The following DUOX1 variants were observed in gnomAD, a reference collection of about 807,000 sequenced individuals.
The protein encoded by DUOX1 is NADPH thyroid oxidase 1.
DUOX1 carries 134 observed loss-of-function variants against 181.8 expected under a neutral mutation model. The observed-to-expected ratio is 0.74, with a 90% CI of 0.64 to 0.85. The LOEUF (loss-of-function observed/expected upper bound fraction) is 0.85, where lower values mean the gene tolerates loss of function less well. Among genes scored for constraint, DUOX1 ranks in the 40% least tolerant of loss-of-function variants. The probability of loss-of-function intolerance (pLI) is 0.00; values close to 1 mark genes in which losing one functional copy is unlikely to be tolerated. For synonymous variants in DUOX1, 798 were observed against 832.5 expected (o/e 0.96, Z 0.71); for missense variants, 1,814 against 2,064.4 (o/e 0.88, Z 2.35).
In DUOX1 at chr15:45,140,958, G is replaced by A. The variant is rs1348080591; in HGVS notation, c.1453G>A (p.Gly485Arg). 3.7e-6 allele frequency: 6 copies of A among 1,614,112 alleles called. No homozygotes were observed. The East Asian group carries it at 1.1e-4, about 30-fold the overall frequency. ...ATCCTGGCTAGAGCTGCTCCCTGGG[G>A]GACTCCTGGAGAGCCACCGGGACCC... is the stretch of plus-strand genomic sequence containing the variant. Reference protein sequence around the residue: ...DLSWLELLPGGLLESHRDPGP... With the variant: ...DLSWLELLPGRLLESHRDPGP... Residue 485 changes from glycine to arginine, a missense_variant, in exon 13 of 34, where the codon GGA becomes AGA. Around this residue, in one of 5 missense-constraint regions of DUOX1, gnomAD observed 1,064 missense variants for 1,152.9 expected, o/e 0.92. Transcript: ENST00000389037.
At chr15:45,162,105 A>T in intron 30 of DUOX1, 114 bp from the exon 31 acceptor site, 8 of 1,441,056 alleles carry the variant, frequency 5.6e-6, no homozygotes, top group African/African-American at 1.4e-5. Context: ...AATGCCACAA[A>T]TCCTCCTCTT....
At position 45,164,866 on chromosome 15, in the gene DUOX1, C is replaced by T. The variant is rs554036237; in HGVS notation, c.4621C>T (p.Arg1541Trp). ...KACQLINRQD[R>W]THFSHHYENF is the part of the protein sequence containing the mutation. The stretch of plus-strand genomic sequence containing the variant: ...CTGTCAGCTCATCAACAGGCAGGAC[C>T]GGACTCACTTCTCCCACCATTATGA... The change falls in exon 34 of 34, where the codon CGG (arginine) becomes TGG (tryptophan). Residue 1541 changes from arginine to tryptophan, a missense_variant. Around this residue, in one of 5 missense-constraint regions of DUOX1, gnomAD observed 124 missense variants for 125.7 expected, o/e 0.99. Coordinates refer to ENST00000389037, the MANE Select transcript of DUOX1 (RefSeq NM_175940.3). 1.3e-5 allele frequency: 21 copies of T among 1,614,106 alleles called. No individual in the cohort carries two copies. In the East Asian group the frequency reaches 3.1e-4, roughly 24 times the overall value.
At chr15:45,136,685 A>G in intron 9 of DUOX1, 60 bp downstream of exon 9, 1 of 1,540,910 alleles carries the variant, frequency 6.5e-7, no homozygotes, top group Non-Finnish European at 9.0e-7. Context: ...ACTGAGGAAA[A>G]TCTGCCCTCA....
In DUOX1 at chr15:45,153,390, T is replaced by C. The variant is rs755614065; in HGVS notation, c.3435T>C (p.Ser1145=). 1 of 1,613,924 alleles carries C rather than the reference T, an allele frequency of 6.2e-7. No homozygotes were observed. Among genetic ancestry groups the C allele is most frequent in the Non-Finnish European group, 8.5e-7 (1 of 1,179,976 alleles). ...TCTGCTCTTCCTTAGTCTTACACAG[T>C]GTGGGCCATGTGGTGAATGTGTACC... ...STAIVLTVLH[S]VGHVVNVYLF... The change falls in exon 26 of 34, where the codon AGT becomes AGC. Residue 1145 remains serine, a synonymous_variant. Coordinates refer to ENST00000389037, the MANE Select transcript of DUOX1 (RefSeq NM_175940.3).
Position 45,135,855 on chromosome 15 carries a change from C to G in DUOX1, c.771C>G (p.Asn257Lys). 1 of 1,421,318 alleles carries G rather than the reference C, an allele frequency of 7.0e-7. No homozygotes were observed. Among genetic ancestry groups the G allele is most frequent in the Non-Finnish European group, 9.5e-7 (1 of 1,051,384 alleles). The allele number at this position is 1,421,318 out of a possible 1,614,324, so 88.0% of individuals were successfully genotyped here. ...ALGLLWFRYH[N>K]LWAQRLARQH... ...GCCTGCTCTGGTTCCGCTACCACAACCTGTGGGCGCAGAGGCTGGCCCGCC... is the reference window on the plus strand; with the variant it reads ...GCCTGCTCTGGTTCCGCTACCACAAGCTGTGGGCGCAGAGGCTGGCCCGCC... The change falls in exon 7 of 34, where the codon AAC becomes AAG. Residue 257 changes from asparagine (N) to lysine (K), a missense_variant. Transcript: ENST00000389037.
intron 22 of DUOX1, 56 bp downstream of exon 22, chr15:45,150,757 C>G: frequency 6.4e-7 from 1 of 1,553,236 alleles, no homozygotes; most frequent in Non-Finnish European, 8.9e-7. Flanking sequence ...CCATTTCTCT[C>G]CCCTGAATGG....
intron 9 of DUOX1, 44 bp downstream of exon 9, chr15:45,136,669 CT>C: frequency 6.3e-7 from 1 of 1,595,048 alleles, no homozygotes; most frequent in South Asian, 1.1e-5. Context: ...AGGGATGGGG[CT>C]GTCAACTGAG....
intron 28 of DUOX1, among the ~76,000 whole-genome samples, chr15:45,159,756 T>C (rs1897051295): frequency 6.6e-6 from 1 of 152,146 alleles, no homozygotes; most frequent in Admixed American, 6.5e-5. Context: ...TGTGTGCCTA[T>C]CATATGCCAG....
In DUOX1 at chr15:45,130,076, C is replaced by A. The variant is rs986925323; in HGVS notation, c.-72C>A. The A allele has an allele frequency of 6.6e-6, 1 of 152,300 alleles. No homozygotes were observed. Among genetic ancestry groups the A allele is most frequent in the Non-Finnish European group, 1.5e-5 (1 of 68,102 alleles). 9.4% of individuals were successfully genotyped at this position (152,300 alleles called of 1,614,324 possible). On this transcript the variant is annotated 5_prime_UTR_variant, in exon 1 of 34. Transcript: ENST00000389037. ...GCCGGAGACAAGTTGCAGTCCCGGGCTCTGGTGACGCCGTGGCCGCAGGTC... is the reference window on the plus strand; with the variant it reads ...GCCGGAGACAAGTTGCAGTCCCGGGATCTGGTGACGCCGTGGCCGCAGGTC...
Position 45,151,995 on chromosome 15 carries a change from G to T in DUOX1, c.3136G>T (p.Gly1046Cys). The T allele has an allele frequency of 6.2e-7, 1 of 1,614,108 alleles. No individual in the cohort carries two copies. Among genetic ancestry groups the T allele is most frequent in the Non-Finnish European group, 8.5e-7 (1 of 1,180,014 alleles). The change falls in exon 24 of 34, where the codon GGC (glycine) becomes TGC (cysteine). Residue 1046 changes from glycine (G) to cysteine (C), a missense_variant. Transcript: ENST00000389037. ...CATTGAGAACTACCGGCGCCACATC[G>T]GCTGCGTGGCCGTGTTCTACGCCAT... is the stretch of plus-strand genomic sequence containing the variant. ...RFIENYRRHI[G>C]CVAVFYAIAG...
intron 14 of DUOX1, 44 bp from the exon 15 acceptor site, chr15:45,141,931 C>T (rs1175573436): frequency 6.3e-7 from 1 of 1,580,246 alleles, no homozygotes; most frequent in African/African-American, 1.3e-5. Flanking sequence ...GTGCCAGCAC[C>T]TGTGGCCCAG....
intron 22 of DUOX1, 49 bp from the exon 23 acceptor site, chr15:45,151,074 C>T (rs377515883): frequency 1.1e-4 from 184 of 1,606,614 alleles, no homozygotes; most frequent in Middle Eastern, 1.7e-4. Flanking sequence ...AGCAGAGGAA[C>T]GAGTGGTTGA....
intron 28 of DUOX1, among the ~76,000 whole-genome samples, chr15:45,159,078 G>A (rs1203115190): frequency 6.6e-6 from 1 of 152,180 alleles, no homozygotes; most frequent in Non-Finnish European, 1.5e-5. Flanking sequence ...TAAAAGGAAG[G>A]GCATGAGCAC....
intron 1 of DUOX1, 47 bp downstream of exon 1, chr15:45,130,145 G>C (rs540222696): frequency 2.0e-5 from 3 of 152,448 alleles, no homozygotes; most frequent in East Asian, 1.9e-4. Flanking sequence ...TGGGCGCTCC[G>C]GGGGAGGGAG....
intron 20 of DUOX1, 132 bp downstream of exon 20, chr15:45,148,129 C>A: frequency 6.9e-7 from 1 of 1,445,746 alleles, no homozygotes; most frequent in South Asian, 1.2e-5. Context: ...AGAGGCTGTT[C>A]AAACTAGCAG....
At chr15:45,162,000 G>A in intron 30 of DUOX1, 30 bp downstream of exon 30, 23 of 1,578,626 alleles carry the variant, frequency 1.5e-5, no homozygotes, top group Non-Finnish European at 2.0e-5. Context: ...CATGCCACAT[G>A]CGCCCATATC....
At chr15:45,154,438 G>A (rs555093368) in intron 27 of DUOX1, among the ~76,000 whole-genome samples, 125 of 152,216 alleles carry the variant, frequency 8.2e-4, no homozygotes, top group Non-Finnish European at 1.5e-3. Context: ...TGAAAGGAGC[G>A]TTTGGGGGAT....
chr15:45,139,243 A>C, intron 11 of DUOX1, 75 bp downstream of exon 11: 3 of 1,610,046 alleles, frequency 1.9e-6, no homozygotes, highest in Non-Finnish European at 2.5e-6. Flanking sequence ...TTCCAGAACC[A>C]GGTATGAGGG....
chr15:45,144,219 C>T lies in DUOX1; in HGVS notation c.2120C>T (p.Pro707Leu), dbSNP rs1896589363. ...CGCCGCACTCTGCTGCTCAAGATCC[C>T]CAAGGAGTATGACCTGGTATGGCTC... is the stretch of plus-strand genomic sequence containing the variant. ...RGRRTLLLKI[P>L]KEYDLVLLFN... The change falls in exon 17 of 34, where the codon CCC (proline) becomes CTC (leucine). Residue 707 changes from proline to leucine, a missense_variant. Coordinates refer to ENST00000389037, the MANE Select transcript of DUOX1 (RefSeq NM_175940.3). 5.0e-6 allele frequency: 8 copies of T among 1,614,036 alleles called. No homozygotes were observed. Among genetic ancestry groups the T allele is most frequent in the Non-Finnish European group, 6.8e-6 (8 of 1,180,046 alleles).
Sources: gnomAD v4.1 joint callset for allele counts (sites outside exome capture counted in the v4.1 genomes callset) on GRCh38, gnomAD v4.1.1 for gene constraint, gnomAD v4.1.1 regional missense constraint, MANE v1.5 for transcripts, NCBI Gene and HGNC (gene_info 2026-07-23, HGNC 2026-07-21) for gene names.